The following CPQ variants were observed in gnomAD, a reference collection of about 807,000 sequenced individuals.
CPQ encodes carboxypeptidase Q.
CPQ carries 37 observed loss-of-function variants against 45.7 expected under a neutral mutation model. That is an observed-to-expected ratio of 0.81 (90% CI 0.62 to 1.07). CPQ has a LOEUF of 1.07. Among genes scored for constraint, CPQ ranks in the 50% least tolerant of loss-of-function variants. The pLI is 0.00. For missense variants in CPQ, 537 were observed against 572.9 expected, an observed-to-expected ratio of 0.94 and a Z score of 0.64; for synonymous variants, 186 against 205.8, an observed-to-expected ratio of 0.90 and a Z score of 0.82.
intron 3 of CPQ, among the ~76,000 whole-genome samples, chr8:96,879,225 G>C (rs1036659005): frequency 5.3e-5 from 8 of 152,084 alleles, no homozygotes; most frequent in Non-Finnish European, 1.0e-4. Flanking sequence ...TTAAAGGCCT[G>C]GATTTATTCA....
intron 6 of CPQ, among the ~76,000 whole-genome samples, chr8:97,054,222 G>C (rs1810412900): frequency 6.6e-6 from 1 of 152,214 alleles, no homozygotes; most frequent in East Asian, 1.9e-4. Flanking sequence ...ACCACAATGA[G>C]ATACCACCTT....
chr8:96,973,341 G>T (rs1813714818), intron 5 of CPQ, among the ~76,000 whole-genome samples: 1 of 151,958 alleles, frequency 6.6e-6, no homozygotes, highest in Non-Finnish European at 1.5e-5. Flanking sequence ...TGAAAAAATT[G>T]AACAAAGCCT....
intron 7 of CPQ, among the ~76,000 whole-genome samples, chr8:97,083,677 G>A (rs1456226974): frequency 6.6e-6 from 1 of 152,164 alleles, no homozygotes; most frequent in African/African-American, 2.4e-5. Context: ...TAGGTGATAA[G>A]AGTCGGTGGA....
chr8:96,951,929 C>T (rs1162372584), intron 4 of CPQ, among the ~76,000 whole-genome samples: 1 of 151,774 alleles, frequency 6.6e-6, no homozygotes, highest in African/African-American at 2.4e-5. Context: ...AAAGAGTTTA[C>T]ACTATGTGCC....
At chr8:97,105,735 A>G (rs1811393183) in intron 7 of CPQ, among the ~76,000 whole-genome samples, 1 of 152,206 alleles carries the variant, frequency 6.6e-6, no homozygotes, top group African/African-American at 2.4e-5. Flanking sequence ...AGAAGGAAAC[A>G]GTTTTAAACT....
intron 4 of CPQ, among the ~76,000 whole-genome samples, chr8:96,897,052 A>G (rs1281634561): frequency 6.6e-6 from 1 of 152,176 alleles, no homozygotes; most frequent in Non-Finnish European, 1.5e-5. Flanking sequence ...ATGCTACTCT[A>G]TTAAAATTGA....
At chr8:97,110,483 G>A (rs1443231997) in intron 7 of CPQ, among the ~76,000 whole-genome samples, 1 of 152,108 alleles carries the variant, frequency 6.6e-6, no homozygotes, top group South Asian at 2.1e-4. Flanking sequence ...ATATCTAGGA[G>A]TGGGATTGCC....
intron 5 of CPQ, among the ~76,000 whole-genome samples, chr8:96,995,741 T>TG (rs1459215757): frequency 6.6e-6 from 1 of 151,718 alleles, no homozygotes; most frequent in African/African-American, 2.4e-5. Context: ...ACTTGTGTCA[T>TG]GGGGGTTTGT....
intron 1 of CPQ, among the ~76,000 whole-genome samples, chr8:96,746,852 A>T (rs996265702): frequency 6.6e-6 from 1 of 152,230 alleles, no homozygotes; most frequent in Non-Finnish European, 1.5e-5. Context: ...GAGGCTGAGA[A>T]TTGCCAAATA....
chr8:96,670,532 G>T (rs181686423), intron 1 of CPQ, among the ~76,000 whole-genome samples: 1 of 152,200 alleles, frequency 6.6e-6, no homozygotes, highest in East Asian at 1.9e-4. Context: ...TCAGATGAAA[G>T]AAAATTAACA....
intron 1 of CPQ, among the ~76,000 whole-genome samples, chr8:96,658,080 G>A (rs927834355): frequency 6.6e-6 from 1 of 152,114 alleles, no homozygotes; most frequent in African/African-American, 2.4e-5. Flanking sequence ...CTATTCTTTT[G>A]TAGGGTTTTT....
intron 7 of CPQ, among the ~76,000 whole-genome samples, chr8:97,069,473 A>C (rs1166131803): frequency 6.7e-6 from 1 of 150,014 alleles, no homozygotes; most frequent in Non-Finnish European, 1.5e-5. Context: ...CTGTCTCTAA[A>C]AAAAAAAAAA....
intron 4 of CPQ, among the ~76,000 whole-genome samples, chr8:96,953,630 A>G (rs1193772491): frequency 3.9e-5 from 6 of 152,158 alleles, no homozygotes; most frequent in African/African-American, 7.2e-5. Flanking sequence ...AACAAAAGGG[A>G]GTAAAAAAGT....
chr8:96,717,661 A>G (rs1809700770), intron 1 of CPQ, among the ~76,000 whole-genome samples: 2 of 151,898 alleles, frequency 1.3e-5, no homozygotes, highest in South Asian at 4.2e-4. Context: ...CAGACAATGG[A>G]TTGGGACATA....
chr8:96,968,969 T>A (rs1813617667), intron 5 of CPQ, among the ~76,000 whole-genome samples: 2 of 152,226 alleles, frequency 1.3e-5, no homozygotes, highest in South Asian at 4.1e-4. Flanking sequence ...AAACTGTTTA[T>A]TTGAAATGTT....
At chr8:96,978,272 G>A (rs1813823417) in intron 5 of CPQ, among the ~76,000 whole-genome samples, 2 of 152,202 alleles carry the variant, frequency 1.3e-5, no homozygotes, top group Admixed American at 1.3e-4. Context: ...TGTCTCATCA[G>A]TTTACATAGA....
At chr8:96,973,876 A>G (rs1376715985) in intron 5 of CPQ, among the ~76,000 whole-genome samples, 1 of 152,244 alleles carries the variant, frequency 6.6e-6, no homozygotes, top group East Asian at 1.9e-4. Flanking sequence ...GGAGCTCTAA[A>G]TCTTGAAACA....
chr8:96,679,323 A>AT (rs1284557960), intron 1 of CPQ, among the ~76,000 whole-genome samples: 4 of 152,042 alleles, frequency 2.6e-5, no homozygotes, highest in Non-Finnish European at 5.9e-5. Flanking sequence ...GTTAGCTAGT[A>AT]TTTTGTTGAG....
intron 4 of CPQ, among the ~76,000 whole-genome samples, chr8:96,896,113 C>G (rs78539287): frequency 0.04 from 6,037 of 152,200 alleles, 170 homozygotes; most frequent in African/African-American, 0.071. Flanking sequence ...GGAATCAAAG[C>G]ACTGGACCCA....
Sources: allele counts gnomAD v4.1 joint callset (sites outside exome capture counted in the v4.1 genomes callset), GRCh38; gene constraint gnomAD v4.1.1; transcripts MANE v1.5; gene names NCBI Gene and HGNC (gene_info 2026-07-23, HGNC 2026-07-21).